The following PTGER4 variants were observed in gnomAD, a reference collection of about 807,000 sequenced individuals.
The protein encoded by PTGER4 is prostaglandin E receptor 4.
A neutral mutation model predicts 33.2 loss-of-function variants in PTGER4; 11 were observed. That is an observed-to-expected ratio of 0.33 (90% CI 0.21 to 0.55). The LOEUF (loss-of-function observed/expected upper bound fraction) is 0.55. Ranked by LOEUF, PTGER4 falls within the 20% of genes least tolerant of loss-of-function variation. The pLI is 0.92. For missense variants in PTGER4, 481 were observed against 650.2 expected, an observed-to-expected ratio of 0.74 and a Z score of 2.83; for synonymous variants, 275 against 281.5, an observed-to-expected ratio of 0.98 and a Z score of 0.23.
Position 40,681,516 on chromosome 5 carries a change from A to T in PTGER4, c.523A>T (p.Thr175Ser). The T allele has an allele frequency of 6.2e-7, 1 of 1,613,088 alleles. No homozygotes were observed. Among genetic ancestry groups the T allele is most frequent in the Non-Finnish European group, 8.5e-7 (1 of 1,180,010 alleles). ...AGACACCTGGTGCTTCATCGACTGG[A>T]CCACCAACGTGACGGCGCACGCCGC... ...YPDTWCFIDWTTNVTAHAAYS... is the reference protein window; with the variant it reads ...YPDTWCFIDWSTNVTAHAAYS... Residue 175 changes from threonine (T) to serine (S), a missense_variant, in exon 2 of 3, where the codon ACC (threonine) becomes TCC (serine). Around this residue, in one of 7 missense-constraint regions of PTGER4, gnomAD observed 174 missense variants for 210.5 expected, o/e 0.83. Transcript: ENST00000302472. The surrounding 1 kb of genome is among the most constrained non-coding windows in gnomAD (Gnocchi z 9.8).
At chr5:40,717,988 G>A in the PTGER4 span, among the ~76,000 whole-genome samples, 2 of 151,958 alleles carry the variant, frequency 1.3e-5, no homozygotes, top group Non-Finnish European at 2.9e-5. Context: ...CTTGAACTCG[G>A]GAGGCGGAGG....
the PTGER4 span, among the ~76,000 whole-genome samples, chr5:40,707,033 T>A: frequency 6.6e-6 from 1 of 152,100 alleles, no homozygotes; most frequent in Non-Finnish European, 1.5e-5. Flanking sequence ...AAGGAAGCAC[T>A]AAACACGGAA....
the PTGER4 span, among the ~76,000 whole-genome samples, chr5:40,713,263 G>A: frequency 1.4e-4 from 22 of 152,164 alleles, no homozygotes; most frequent in Admixed American, 2.6e-4. Flanking sequence ...CTGATTCAAG[G>A]AAATTAAAAG....
the PTGER4 span, among the ~76,000 whole-genome samples, chr5:40,699,489 T>G: frequency 6.6e-6 from 1 of 152,126 alleles, no homozygotes; most frequent in South Asian, 2.1e-4. Flanking sequence ...GTGAAAATAC[T>G]TCTCAACATT....
chr5:40,708,908 A>G, the PTGER4 span, among the ~76,000 whole-genome samples: 4 of 152,242 alleles, frequency 2.6e-5, no homozygotes, highest in Non-Finnish European at 5.9e-5. Flanking sequence ...AATCCAGCAT[A>G]TAAACAGAAC....
chr5:40,721,735 C>CT, the PTGER4 span, among the ~76,000 whole-genome samples: 1 of 151,966 alleles, frequency 6.6e-6, no homozygotes, highest in Non-Finnish European at 1.5e-5. Context: ...TGACATTGGT[C>CT]TTAAAAATGA....
chr5:40,708,730 A>C, the PTGER4 span, among the ~76,000 whole-genome samples: 1 of 152,228 alleles, frequency 6.6e-6, no homozygotes, highest in Non-Finnish European at 1.5e-5. Flanking sequence ...ACACAACAAA[A>C]AAAGAGAATT....
At position 40,691,919 on chromosome 5, in the gene PTGER4, G is replaced by T. The variant is rs1340655915; in HGVS notation, c.1008G>T (p.Val336=). 3.7e-6 allele frequency: 6 copies of T among 1,614,138 alleles called. No homozygotes were observed. In the African/African-American group the frequency reaches 8.0e-5, roughly 22 times the overall value. ...PWIYILLRKT[V]LSKAIEKIKC... ...TATATATCCTCCTGAGAAAGACAGT[G>T]CTCAGTAAAGCAATAGAGAAGATCA... Residue 336 remains valine, a synonymous_variant, in exon 3 of 3, where the codon GTG becomes GTT. Transcript: ENST00000302472. This position sits in a 1 kb window ranked among gnomAD's most constrained non-coding sequence, Gnocchi z 4.2.
At chr5:40,708,936 T>A in the PTGER4 span, among the ~76,000 whole-genome samples, 1 of 152,248 alleles carries the variant, frequency 6.6e-6, no homozygotes, top group Non-Finnish European at 1.5e-5. Flanking sequence ...AAAAACCACA[T>A]GATTATCTCA....
intron 2 of PTGER4, among the ~76,000 whole-genome samples, chr5:40,686,912 A>G (rs534962995): frequency 1.2e-4 from 18 of 152,308 alleles, no homozygotes; most frequent in African/African-American, 4.3e-4. Context: ...AAAATAAAAT[A>G]ATTTAGAATA....
At chr5:40,701,707 AT>A in the PTGER4 span, among the ~76,000 whole-genome samples, 1 of 152,208 alleles carries the variant, frequency 6.6e-6, no homozygotes, top group Non-Finnish European at 1.5e-5. Flanking sequence ...GCACAAGAAG[AT>A]CATCCCCAAG....
chr5:40,742,709 C>A, the PTGER4 span, among the ~76,000 whole-genome samples: 7 of 152,178 alleles, frequency 4.6e-5, no homozygotes, highest in African/African-American at 1.7e-4. Context: ...AAGAATAAGA[C>A]CCAGAATAGA....
chr5:40,693,753 C>A (rs896081929), downstream of PTGER4: 2 of 971,260 alleles, frequency 2.1e-6, no homozygotes, highest in South Asian at 4.8e-5. Flanking sequence ...TGCATATCCT[C>A]AGTTTGGGAA....
At chr5:40,716,550 T>A in the PTGER4 span, 1 of 1,203,616 alleles carries the variant, frequency 8.3e-7, no homozygotes, top group Non-Finnish European at 1.2e-6. Flanking sequence ...TTAGTATGTT[T>A]AATACAATCC....
the PTGER4 span, among the ~76,000 whole-genome samples, chr5:40,720,417 T>A: frequency 6.6e-6 from 1 of 152,224 alleles, no homozygotes; most frequent in Non-Finnish European, 1.5e-5. Context: ...ACATTATGCC[T>A]ATCTAAGTAC....
chr5:40,696,223 T>C (rs1741582350), downstream of PTGER4, among the ~76,000 whole-genome samples: 2 of 152,310 alleles, frequency 1.3e-5, no homozygotes, highest in South Asian at 2.1e-4. Context: ...CACAGTAATA[T>C]TTACTGTTAG....
the PTGER4 span, among the ~76,000 whole-genome samples, chr5:40,731,249 C>CTGTTTGT: frequency 6.6e-6 from 1 of 152,146 alleles, no homozygotes; most frequent in African/African-American, 2.4e-5. Context: ...AAAGGTTGGA[C>CTGTTTGT]TGTTTGTCCA....
chr5:40,717,081 T>C, the PTGER4 span, among the ~76,000 whole-genome samples: 2 of 151,936 alleles, frequency 1.3e-5, no homozygotes, highest in South Asian at 2.1e-4. Context: ...ATACAAAAAT[T>C]AGCCAGGCAT....
At chr5:40,722,788 C>G in the PTGER4 span, among the ~76,000 whole-genome samples, 1 of 151,578 alleles carries the variant, frequency 6.6e-6, no homozygotes, top group South Asian at 2.1e-4. Flanking sequence ...GGGCAGCCCC[C>G]GCCCAGCCAG....
Sources: allele counts gnomAD v4.1 joint callset (sites outside exome capture counted in the v4.1 genomes callset), GRCh38; gene constraint gnomAD v4.1.1; regional missense constraint gnomAD v4.1.1; non-coding constraint Gnocchi (gnomAD v3.1); transcripts MANE v1.5; gene names NCBI Gene and HGNC (gene_info 2026-07-23, HGNC 2026-07-21).